AGAP1: variants seen among roughly 807,000 people sequenced by gnomAD.
AGAP1 encodes the protein arf-GAP with GTPase, ANK repeat and PH domain-containing protein 1.
In AGAP1, 29 loss-of-function variants were observed where a neutral mutation model predicts 105.3. The observed-to-expected ratio is 0.28, with a 90% confidence interval of 0.21 to 0.38. The LOEUF (loss-of-function observed/expected upper bound fraction) is 0.38, where lower values mean the gene tolerates loss of function less well. Ranked by LOEUF, AGAP1 falls within the 10% of genes least tolerant of loss-of-function variation. The pLI is 1.00. For missense variants in AGAP1, 998 were observed against 1,165.1 expected, an observed-to-expected ratio of 0.86 and a Z score of 2.09; for synonymous variants, 509 against 485.9, an observed-to-expected ratio of 1.05 and a Z score of -0.63.
Position 235,877,508 on chromosome 2 carries a change from G to A in AGAP1, c.1051-5837G>A, listed in dbSNP as rs1178035672. On this transcript the variant is annotated intron_variant, in intron 9 of 17. Transcript: ENST00000304032. This position sits in a 1 kb window ranked among gnomAD's most constrained non-coding sequence, Gnocchi z 4.3. ...ATACTGAGAAATCGTTTCGTGTACA[G>A]CATGCGGTGCCTTCCCCGGGGGTTA... is the stretch of plus-strand genomic sequence containing the variant. Among the ~76,000 whole-genome samples the A allele has an allele frequency of 6.6e-6, 1 of 152,040 alleles. No homozygotes were observed. Among genetic ancestry groups the A allele is most frequent in the African/African-American group, 2.4e-5 (1 of 41,396 alleles).
chr2:235,870,342 C>A (rs1043041810), intron 9 of AGAP1, among the ~76,000 whole-genome samples: 1 of 152,176 alleles, frequency 6.6e-6, no homozygotes, highest in South Asian at 2.1e-4. Flanking sequence ...GCAGCAGATA[C>A]CCTTATTCTA....
rs1443257792 is a variant in AGAP1, at chr2:235,973,155, C to T, written c.1645+4532C>T. Among the ~76,000 whole-genome samples, 1 of 152,192 alleles carries T rather than the reference C, an allele frequency of 6.6e-6. No individual in the cohort carries two copies. The highest frequency in any genetic ancestry group is 1.9e-4 in the East Asian group (1 of 5,198). On this transcript the variant is annotated intron_variant, in intron 13 of 17. Transcript: ENST00000304032. The surrounding 1 kb of genome is among the most constrained non-coding windows in gnomAD (Gnocchi z 4.7). ...GTCAGGGTGACCGATGGAAATTGGG[C>T]CGTTCCTGCCCTGGAGTTTCTCCCT... is the stretch of plus-strand genomic sequence containing the variant.
Position 235,960,730 on chromosome 2 carries a change from T to C in AGAP1, c.1484-7732T>C, listed in dbSNP as rs1282232841. Among the ~76,000 whole-genome samples, 1 of 152,204 alleles carries C rather than the reference T, an allele frequency of 6.6e-6. No individual in the cohort carries two copies. Among genetic ancestry groups the C allele is most frequent in the Non-Finnish European group, 1.5e-5 (1 of 68,034 alleles). ...CCCCGTGGGACAGGGGTCTTGCCCT[T>C]TATTCTCTGACAGCGGCCAGCTCCT... is the stretch of plus-strand genomic sequence containing the variant. On this transcript the variant is annotated intron_variant, in intron 12 of 17. Coordinates refer to ENST00000304032, the MANE Select transcript of AGAP1 (RefSeq NM_001037131.3). The surrounding 1 kb of genome is among the most constrained non-coding windows in gnomAD (Gnocchi z 4.9).
intron 1 of AGAP1, among the ~76,000 whole-genome samples, chr2:235,560,506 A>T (rs1326134462): frequency 6.6e-6 from 1 of 152,174 alleles, no homozygotes; most frequent in African/African-American, 2.4e-5. Context: ...GAACTTTGAG[A>T]TGGATGATCT....
chr2:235,495,981 G>A (rs1472702730), intron 1 of AGAP1, among the ~76,000 whole-genome samples: 1 of 152,226 alleles, frequency 6.6e-6, no homozygotes, highest in East Asian at 1.9e-4. Context: ...CTGAAAGCCT[G>A]GTGCTGGCGT....
intron 1 of AGAP1, among the ~76,000 whole-genome samples, chr2:235,539,556 A>T: frequency 6.6e-6 from 1 of 150,822 alleles, no homozygotes; most frequent in African/African-American, 2.4e-5. Context: ...TTTCTCTTTC[A>T]CCTCCTCTCC....
chr2:235,628,436 G>A (rs1009624744), intron 1 of AGAP1, among the ~76,000 whole-genome samples: 1 of 152,172 alleles, frequency 6.6e-6, no homozygotes, highest in Admixed American at 6.5e-5. Flanking sequence ...GAAAGGGGAT[G>A]TTCTTTGCAT....
intron 1 of AGAP1, among the ~76,000 whole-genome samples, chr2:235,543,097 T>TCCCCCCCCCCCCCCCCCCCC: frequency 1.5e-5 from 1 of 66,634 alleles, no homozygotes; most frequent in African/African-American, 6.2e-5. Flanking sequence ...CTCCTCCCCC[T>TCCCCCCCCCCCCCCCCCCCC]CCCCCCCCCC....
chr2:235,833,833 C>G (rs1048263123), intron 9 of AGAP1, among the ~76,000 whole-genome samples: 16 of 148,464 alleles, frequency 1.1e-4, no homozygotes, highest in African/African-American at 4.0e-4. Flanking sequence ...CTAAGTGCAT[C>G]TCACTCCAAT....
At chr2:235,749,201 C>G (rs945127649) in intron 5 of AGAP1, among the ~76,000 whole-genome samples, 2 of 142,632 alleles carry the variant, frequency 1.4e-5, no homozygotes, top group South Asian at 2.6e-4. Context: ...CAGTGAGACT[C>G]CATCTCATTA....
At chr2:235,726,570 T>TG (rs1430170763) in intron 3 of AGAP1, among the ~76,000 whole-genome samples, 14 of 152,164 alleles carry the variant, frequency 9.2e-5, no homozygotes, top group Non-Finnish European at 1.6e-4. Context: ...CACTTTCACC[T>TG]GTGTTCACTG....
At chr2:235,624,343 A>T (rs1946572847) in intron 1 of AGAP1, among the ~76,000 whole-genome samples, 1 of 152,078 alleles carries the variant, frequency 6.6e-6, no homozygotes, top group Non-Finnish European at 1.5e-5. Flanking sequence ...TGTCTTTCCC[A>T]TCTGGATCTC....
intron 1 of AGAP1, among the ~76,000 whole-genome samples, chr2:235,661,346 G>A (rs572910743): frequency 4.6e-5 from 7 of 152,268 alleles, no homozygotes; most frequent in Admixed American, 3.3e-4. Context: ...AAGGAAAGGC[G>A]GTGATTGTGA....
chr2:235,797,053 C>A (rs1325420335), intron 6 of AGAP1, among the ~76,000 whole-genome samples: 1 of 151,978 alleles, frequency 6.6e-6, no homozygotes, highest in Non-Finnish European at 1.5e-5. Context: ...TAAAAAAGGT[C>A]TTTGATATAA....
intron 1 of AGAP1, among the ~76,000 whole-genome samples, chr2:235,678,423 T>G (rs1948874736): frequency 6.6e-6 from 1 of 152,152 alleles, no homozygotes; most frequent in South Asian, 2.1e-4. Context: ...GGAAAAAGAT[T>G]GGGGCTCAGA....
At chr2:235,778,034 C>T (rs1440890513) in intron 6 of AGAP1, among the ~76,000 whole-genome samples, 1 of 152,154 alleles carries the variant, frequency 6.6e-6, no homozygotes, top group Admixed American at 6.5e-5. Context: ...CCGAGGCACT[C>T]ACATTTCTGG....
chr2:235,831,246 T>C (rs1477153918), intron 9 of AGAP1, among the ~76,000 whole-genome samples: 1 of 149,458 alleles, frequency 6.7e-6, no homozygotes, highest in Non-Finnish European at 1.5e-5. Flanking sequence ...CACGGCAAAG[T>C]TGAGCAGAAG....
intron 5 of AGAP1, among the ~76,000 whole-genome samples, chr2:235,748,460 C>T (rs553291677): frequency 5.3e-4 from 80 of 152,180 alleles, no homozygotes; most frequent in African/African-American, 1.5e-3. Context: ...TTGTGAAATG[C>T]AAGTCAGATT....
At position 235,621,842 on chromosome 2, in the gene AGAP1, G is replaced by A. The variant is rs1946490371; in HGVS notation, c.164-87337G>A. Among the ~76,000 whole-genome samples, 1 of 152,190 alleles carries A rather than the reference G, an allele frequency of 6.6e-6. No homozygotes were observed. Among genetic ancestry groups the A allele is most frequent in the African/African-American group, 2.4e-5 (1 of 41,440 alleles). On this transcript the variant is annotated intron_variant, in intron 1 of 17. Coordinates refer to ENST00000304032, the MANE Select transcript of AGAP1 (RefSeq NM_001037131.3). The surrounding 1 kb of genome is among the most constrained non-coding windows in gnomAD (Gnocchi z 4.1). ...CCTGGGAGCGGCTGCTGATGTTCTG[G>A]CTCTCTGCAGTTGGGTAGGAGTGGA...
Sources: allele counts gnomAD v4.1 joint callset (sites outside exome capture counted in the v4.1 genomes callset), GRCh38; gene constraint gnomAD v4.1.1; non-coding constraint Gnocchi (gnomAD v3.1); transcripts MANE v1.5; gene names NCBI Gene and HGNC (gene_info 2026-07-23, HGNC 2026-07-21).